The following NEBL variants were observed in gnomAD, a reference collection of about 807,000 sequenced individuals.
The protein encoded by NEBL is LIM and SH3 protein 2.
In NEBL, 122 loss-of-function variants were observed where a neutral mutation model predicts 140.2. The observed-to-expected ratio is 0.87, with a 90% confidence interval of 0.75 to 1.01. The LOEUF (loss-of-function observed/expected upper bound fraction) is 1.01, where lower values mean the gene tolerates loss of function less well. NEBL is among the 50% of genes least tolerant of loss of function. NEBL has a pLI of 0.00. For synonymous variants in NEBL, 436 were observed against 398.9 expected, an observed-to-expected ratio of 1.09 and a Z score of -1.11; for missense variants, 1,365 against 1,231.3, an observed-to-expected ratio of 1.11 and a Z score of -1.62.
chr10:21,150,128 T>A (rs1840080506), intron 2 of NEBL, among the ~76,000 whole-genome samples: 1 of 152,196 alleles, frequency 6.6e-6, no homozygotes, highest in African/African-American at 2.4e-5. Context: ...AGACTAAGAC[T>A]GAAGTATGAA....
chr10:21,167,348 A>T (rs568996379), intron 2 of NEBL, among the ~76,000 whole-genome samples: 1 of 152,370 alleles, frequency 6.6e-6, no homozygotes, highest in East Asian at 1.9e-4. Flanking sequence ...TTAAAGATAC[A>T]TTTGACTAAG....
At chr10:20,880,983 C>A in intron 4 of NEBL, 79 bp from the exon 5 acceptor site, 2 of 1,134,362 alleles carry the variant, frequency 1.8e-6, no homozygotes, top group South Asian at 2.5e-5. Context: ...TTTGCCAGGA[C>A]TTTATATATT....
At position 20,840,791 on chromosome 10, in the gene NEBL, G is replaced by A. The variant is rs1050261613; in HGVS notation, c.1286C>T (p.Ser429Leu). The A allele has an allele frequency of 6.2e-7, 1 of 1,611,710 alleles. No individual in the cohort carries two copies. Among genetic ancestry groups the A allele is most frequent in the East Asian group, 2.2e-5 (1 of 44,762 alleles). ...TGCTCTTTGGATATCAAGAACTTCTGAATTAAGTTCCATTCCTTTCCCTTT... is the reference window on the plus strand; with the variant it reads ...TGCTCTTTGGATATCAAGAACTTCTAAATTAAGTTCCATTCCTTTCCCTTT... ...EIKGKGMELNSEVLDIQRAKR... is the reference protein window; with the variant it reads ...EIKGKGMELNLEVLDIQRAKR... The change falls in exon 13 of 28, where the codon TCA (serine) becomes TTA (leucine). Residue 429 changes from serine (S) to leucine (L), a missense_variant. Physicochemically the swap from Ser to Leu is moderately radical, Grantham distance 145. Transcript: ENST00000377122.
At chr10:20,993,191 G>T (rs1837535109) in intron 3 of NEBL, among the ~76,000 whole-genome samples, 1 of 152,086 alleles carries the variant, frequency 6.6e-6, no homozygotes, top group Admixed American at 6.5e-5. Context: ...TTAAATAGGG[G>T]TGTCTAATTC....
intron 1 of NEBL, among the ~76,000 whole-genome samples, chr10:21,280,200 C>G (rs1842975298): frequency 6.6e-6 from 1 of 152,160 alleles, no homozygotes; most frequent in African/African-American, 2.4e-5. Context: ...AAAATGGAAC[C>G]AGCATGGGTT....
chr10:20,868,469 T>C, intron 7 of NEBL, 195 bp downstream of exon 7: 1 of 572,656 alleles, frequency 1.7e-6, no homozygotes, highest in South Asian at 2.1e-5. Context: ...CTTTGTTTTA[T>C]GCTTAAAATT....
rs546262691 is a variant in NEBL, at chr10:21,091,257, G to T, written c.165-71056C>A. On this transcript the variant is annotated intron_variant, in intron 2 of 6. Coordinates refer to the NEBL transcript ENST00000417816. ...GCAATTCCATTGTTGGGGGCCGGAGGTTGCCCCTTATGAAACATCTTGGTT... is the reference window on the plus strand; with the variant it reads ...GCAATTCCATTGTTGGGGGCCGGAGTTTGCCCCTTATGAAACATCTTGGTT... Among the ~76,000 whole-genome samples the T allele has an allele frequency of 6.2e-4, 95 of 152,258 alleles. 1 individual carries two copies. The highest frequency in any genetic ancestry group is 2.2e-3 in the African/African-American group (92 of 41,548).
At chr10:21,275,353 C>A (rs1842907291) in intron 1 of NEBL, among the ~76,000 whole-genome samples, 1 of 152,100 alleles carries the variant, frequency 6.6e-6, no homozygotes, top group Non-Finnish European at 1.5e-5. Flanking sequence ...GAAAACATTA[C>A]CAGAGCAACC....
intron 2 of NEBL, among the ~76,000 whole-genome samples, chr10:21,024,576 G>C (rs1297327320): frequency 6.6e-6 from 1 of 150,712 alleles, no homozygotes; most frequent in African/African-American, 2.4e-5. Context: ...GAGACCATAA[G>C]ACTCAGAAGA....
At chr10:20,888,483 T>C (rs1846730654) in intron 3 of NEBL, among the ~76,000 whole-genome samples, 1 of 152,250 alleles carries the variant, frequency 6.6e-6, no homozygotes, top group Non-Finnish European at 1.5e-5. Context: ...TAAATCTATT[T>C]GTGTATATTG....
At chr10:21,004,213 GT>G (rs1838024504) in intron 3 of NEBL, among the ~76,000 whole-genome samples, 1 of 152,040 alleles carries the variant, frequency 6.6e-6, no homozygotes, top group African/African-American at 2.4e-5. Flanking sequence ...CAACAGTGTT[GT>G]TTGAAGAAGT....
chr10:20,925,386 C>T (rs151104436), intron 4 of NEBL, among the ~76,000 whole-genome samples: 9 of 152,094 alleles, frequency 5.9e-5, no homozygotes, highest in Non-Finnish European at 1.3e-4. Context: ...AGCAAAAGTT[C>T]ATCTTTCCCC....
intron 24 of NEBL, among the ~76,000 whole-genome samples, chr10:20,811,490 C>T (rs1408544554): frequency 2.0e-5 from 3 of 152,330 alleles, no homozygotes. Context: ...AACATCACAA[C>T]TCATCCATCC....
At chr10:21,277,208 C>CTTT (rs1260862410) in intron 1 of NEBL, among the ~76,000 whole-genome samples, 8 of 133,532 alleles carry the variant, frequency 6.0e-5, no homozygotes, top group African/African-American at 1.1e-4. Context: ...ATATTTCTTT[C>CTTT]TTTTTTTTTT....
At chr10:21,107,925 A>C (rs919160119) in intron 2 of NEBL, among the ~76,000 whole-genome samples, 20 of 152,086 alleles carry the variant, frequency 1.3e-4, no homozygotes, top group Non-Finnish European at 2.9e-4. Context: ...GAATTTATCC[A>C]TGTCTTCTAG....
intron 4 of NEBL, among the ~76,000 whole-genome samples, chr10:20,936,304 C>T (rs1481607429): frequency 1.3e-5 from 2 of 152,186 alleles, no homozygotes; most frequent in Non-Finnish European, 2.9e-5. Context: ...CTTTATTACT[C>T]TATTTCCTAC....
chr10:21,041,368 C>T (rs2131831123), intron 2 of NEBL, among the ~76,000 whole-genome samples: 1 of 152,286 alleles, frequency 6.6e-6, no homozygotes, highest in Non-Finnish European at 1.5e-5. Context: ...GCTTGCAAAG[C>T]CACTGCAGCT....
chr10:20,859,185 A>G (rs1201140394), intron 8 of NEBL, among the ~76,000 whole-genome samples: 2 of 152,136 alleles, frequency 1.3e-5, no homozygotes, highest in South Asian at 2.1e-4. Context: ...TTAAAACATC[A>G]TTTCTTGTAA....
chr10:21,009,438 G>A (rs1340656646), intron 3 of NEBL, among the ~76,000 whole-genome samples: 3 of 152,138 alleles, frequency 2.0e-5, no homozygotes, highest in Admixed American at 2.0e-4. Flanking sequence ...TCAGTCAAAA[G>A]GGGTCCAGAG....
Sources: allele counts gnomAD v4.1 joint callset (sites outside exome capture counted in the v4.1 genomes callset), GRCh38; gene constraint gnomAD v4.1.1; transcripts MANE v1.5; gene names NCBI Gene and HGNC (gene_info 2026-07-23, HGNC 2026-07-21).